AAK1: variants seen among roughly 807,000 people sequenced by gnomAD.
The protein encoded by AAK1 is AP2 associated kinase 1, also known as AP2-associated protein kinase 1.
In AAK1, 37 loss-of-function variants were observed where a neutral mutation model predicts 116.0. The ratio of observed to expected loss-of-function variants is 0.32; its 90% CI spans 0.25 to 0.42. The LOEUF is 0.42. Ranked by LOEUF, AAK1 falls within the 10% of genes least tolerant of loss-of-function variation. The pLI is 1.00. For missense variants in AAK1, 919 were observed against 1,170.6 expected (o/e 0.79, Z 3.14); for synonymous variants, 458 against 439.9 (o/e 1.04, Z -0.51).
At chr2:69,583,981 T>G (rs1672653936) in intron 2 of AAK1, among the ~76,000 whole-genome samples, 1 of 152,238 alleles carries the variant, frequency 6.6e-6, no homozygotes, top group Non-Finnish European at 1.5e-5. Flanking sequence ...CATGTTCTGA[T>G]AGCCAGCTTC....
At chr2:69,531,988 A>G (rs539342692) in intron 6 of AAK1, 53 bp downstream of exon 6, 1 of 1,604,254 alleles carries the variant, frequency 6.2e-7, no homozygotes, top group African/African-American at 1.3e-5. Flanking sequence ...AGCTGAAGGT[A>G]AAGTTGCTCA....
At chr2:69,497,103 A>T (rs890293968) in intron 16 of AAK1, among the ~76,000 whole-genome samples, 6 of 152,074 alleles carry the variant, frequency 3.9e-5, no homozygotes, top group Admixed American at 2.0e-4. Context: ...CAGAGGTAGG[A>T]TCAGAAGCCA....
chr2:69,463,735 A>G lies in AAK1; in HGVS notation c.*12134T>C, dbSNP rs1049924669. On this transcript the variant is annotated 3_prime_UTR_variant, in exon 22 of 22. Transcript: ENST00000409085. ...ACCATGTTGGCCAGGCTGGTCTCAA[A>G]CTCCTGACCTTGTGATCTGCCCACC... 1 of 151,996 alleles carries G rather than the reference A, an allele frequency of 6.6e-6. No homozygotes were observed. Among genetic ancestry groups the G allele is most frequent in the African/African-American group, 2.4e-5 (1 of 41,318 alleles). The allele number at this position is 151,996 out of a possible 1,614,324, so 9.4% of individuals were successfully genotyped here. A position where few individuals can be genotyped will look rare whatever the true frequency, so the allele number is the denominator to read the frequency against.
intron 18 of AAK1, chr2:69,482,506 G>C (rs1372723668): frequency 1.2e-5 from 8 of 668,916 alleles, no homozygotes; most frequent in Admixed American, 9.4e-5. Flanking sequence ...GAAATCTCCA[G>C]ATATCAAGAA....
chr2:69,480,539 C>T lies in AAK1; in HGVS notation c.2569+321G>A, dbSNP rs111832047. 6.5e-3 allele frequency among the ~76,000 whole-genome samples: 990 copies of T among 152,188 alleles called. 9 individuals carry two copies. The highest frequency in any genetic ancestry group is 0.023 in the African/African-American group (946 of 41,536). The stretch of plus-strand genomic sequence containing the variant: ...TGGAGGGTTAAGGGTATCCTTACAG[C>T]TCGGCAGAGTTCTTTAATTAAGGAC... On this transcript the variant is annotated intron_variant, in intron 19 of 21. Transcript: ENST00000409085.
In AAK1 at chr2:69,490,564, GGACAAATACTGTAT is replaced by G. The variant is rs1463548764; in HGVS notation, c.2365+5407_2365+5420del. ...TAAATGAAATAAGCCAGTCACAAAAGGACAAATACTGTATGATTCCACTTACATTCGGTTCCTAG... is the reference window on the plus strand; with the variant it reads ...TAAATGAAATAAGCCAGTCACAAAAGGATTCCACTTACATTCGGTTCCTAG... On this transcript the variant is annotated intron_variant, in intron 17 of 21. Coordinates refer to ENST00000409085, the MANE Select transcript of AAK1 (RefSeq NM_014911.5). Among the ~76,000 whole-genome samples, 6 of 152,170 alleles carry G rather than the reference GGACAAATACTGTAT, an allele frequency of 3.9e-5. No individual in the cohort carries two copies. The East Asian group carries it at 5.8e-4, about 15-fold the overall frequency.
At chr2:69,480,542 G>T (rs1488049537) in intron 19 of AAK1, among the ~76,000 whole-genome samples, 6 of 152,008 alleles carry the variant, frequency 3.9e-5, no homozygotes, top group African/African-American at 1.2e-4. Context: ...CTTACAGCTC[G>T]GCAGAGTTCT....
At chr2:69,477,785 A>G (rs569892480) in intron 20 of AAK1, among the ~76,000 whole-genome samples, 2 of 152,266 alleles carry the variant, frequency 1.3e-5, no homozygotes, top group Non-Finnish European at 2.9e-5. Flanking sequence ...ACAAAAACTC[A>G]GCTATTACCA....
At chr2:69,604,006 A>G (rs1330384386) in intron 2 of AAK1, among the ~76,000 whole-genome samples, 3 of 152,224 alleles carry the variant, frequency 2.0e-5, no homozygotes, top group Non-Finnish European at 2.9e-5. Flanking sequence ...CCAGTTCCAA[A>G]TAACTTTCCT....
chr2:69,620,330 G>T (rs541320288), intron 2 of AAK1, among the ~76,000 whole-genome samples: 10 of 152,104 alleles, frequency 6.6e-5, no homozygotes, highest in Non-Finnish European at 1.5e-4. Context: ...ATGAGGAACT[G>T]CCCTCTCTTC....
chr2:69,512,703 C>T (rs1676436801), intron 13 of AAK1, among the ~76,000 whole-genome samples: 1 of 152,230 alleles, frequency 6.6e-6, no homozygotes, highest in Admixed American at 6.5e-5. Flanking sequence ...TTTCTGTTTC[C>T]TCTCTGTCCC....
At chr2:69,628,484 T>C (rs1675012563) in intron 2 of AAK1, among the ~76,000 whole-genome samples, 1 of 152,092 alleles carries the variant, frequency 6.6e-6, no homozygotes, top group African/African-American at 2.4e-5. Context: ...GGAAGTGATA[T>C]ATCCAAGATC....
chr2:69,480,811 G>A (rs1260932162), intron 19 of AAK1, 49 bp downstream of exon 19: 2 of 1,494,792 alleles, frequency 1.3e-6, no homozygotes, highest in Non-Finnish European at 1.8e-6. Flanking sequence ...CTGGCTCAGA[G>A]GTTCACCACA....
intron 2 of AAK1, among the ~76,000 whole-genome samples, chr2:69,641,214 A>C (rs539986426): frequency 6.6e-6 from 1 of 152,330 alleles, no homozygotes; most frequent in East Asian, 1.9e-4. Context: ...ATCCTAGCTG[A>C]ACAAAACGCT....
intron 5 of AAK1, among the ~76,000 whole-genome samples, chr2:69,538,321 CT>C (rs1237914770): frequency 1.3e-5 from 2 of 152,230 alleles, no homozygotes; most frequent in African/African-American, 4.8e-5. Flanking sequence ...GCTGAAACAT[CT>C]TGTGGGCTGT....
At chr2:69,602,916 T>C (rs1365688473) in intron 2 of AAK1, among the ~76,000 whole-genome samples, 1 of 152,262 alleles carries the variant, frequency 6.6e-6, no homozygotes, top group African/African-American at 2.4e-5. Flanking sequence ...AACTCTGGCA[T>C]TCAGTACAGG....
intron 4 of AAK1, among the ~76,000 whole-genome samples, chr2:69,543,980 G>C (rs994446181): frequency 1.3e-5 from 2 of 152,182 alleles, no homozygotes; most frequent in Non-Finnish European, 1.5e-5. Context: ...CCTTAGAGTA[G>C]GGACAGGAGG....
At chr2:69,621,301 C>T (rs1219226622) in intron 2 of AAK1, among the ~76,000 whole-genome samples, 1 of 152,144 alleles carries the variant, frequency 6.6e-6, no homozygotes, top group Non-Finnish European at 1.5e-5. Flanking sequence ...CATGGTGAAA[C>T]TCTGTCTCTA....
intron 2 of AAK1, among the ~76,000 whole-genome samples, chr2:69,631,058 C>G (rs1473916822): frequency 2.0e-5 from 3 of 152,164 alleles, no homozygotes; most frequent in Non-Finnish European, 4.4e-5. Context: ...ATTCACTGAC[C>G]AGAGAAAATG....
Sources: gnomAD v4.1 joint callset for allele counts (sites outside exome capture counted in the v4.1 genomes callset) on GRCh38, gnomAD v4.1.1 for gene constraint, MANE v1.5 for transcripts, NCBI Gene and HGNC (gene_info 2026-07-23, HGNC 2026-07-21) for gene names.